Variants in RNLS observed in about 807,000 individuals in gnomAD.
RNLS encodes the protein renalase, FAD dependent amine oxidase, also known as renalase.
A neutral mutation model predicts 39.8 loss-of-function variants in RNLS; 39 were observed. The ratio of observed to expected loss-of-function variants is 0.98; its 90% CI spans 0.76 to 1.28. RNLS has a LOEUF of 1.28. Among genes scored for constraint, RNLS ranks in the 50% most tolerant of loss-of-function variants. The pLI, the probability that RNLS is intolerant of heterozygous loss-of-function variation, is 0.00. For missense variants in RNLS, 410 were observed against 413.3 expected, an observed-to-expected ratio of 0.99 and a Z score of 0.07; for synonymous variants, 147 against 150.7, an observed-to-expected ratio of 0.98 and a Z score of 0.18.
chr10:88,422,889 G>A (rs1854491715), intron 4 of RNLS, among the ~76,000 whole-genome samples: 1 of 151,904 alleles, frequency 6.6e-6, no homozygotes. Flanking sequence ...TCAGCCTCCT[G>A]AGTAGCTAGG....
At chr10:88,568,682 C>T (rs1294607280) in intron 4 of RNLS, among the ~76,000 whole-genome samples, 1 of 151,938 alleles carries the variant, frequency 6.6e-6, no homozygotes, top group African/African-American at 2.4e-5. Context: ...ATACGCAAAG[C>T]AAAGGTGCAA....
the RNLS span, among the ~76,000 whole-genome samples, chr10:88,187,683 C>T: frequency 4.7e-5 from 7 of 149,744 alleles, no homozygotes; most frequent in Admixed American, 6.6e-5. Flanking sequence ...TGGGTTAAAC[C>T]ACTGAGATTT....
intron 5 of RNLS, among the ~76,000 whole-genome samples, chr10:88,336,594 T>C (rs930916272): frequency 1.3e-5 from 2 of 152,188 alleles, no homozygotes; most frequent in African/African-American, 4.8e-5. Context: ...CATAAGTAAA[T>C]GTATACAAGT....
chr10:88,177,229 G>A, the RNLS span, among the ~76,000 whole-genome samples: 3 of 152,096 alleles, frequency 2.0e-5, no homozygotes, highest in Admixed American at 6.6e-5. Flanking sequence ...ATTTATTTGT[G>A]TAATGGTGTC....
chr10:88,566,834 G>C (rs1053390940), intron 4 of RNLS, among the ~76,000 whole-genome samples: 23 of 152,096 alleles, frequency 1.5e-4, no homozygotes, highest in African/African-American at 5.3e-4. Context: ...ACCTAAATAA[G>C]AGAAGAGCTG....
chr10:88,469,826 T>C (rs1206729713), intron 4 of RNLS, among the ~76,000 whole-genome samples: 1 of 54,674 alleles, frequency 1.8e-5, no homozygotes, highest in African/African-American at 3.3e-5. Context: ...TGTGTGCGTG[T>C]GTGTGTGTGT....
chr10:88,495,057 T>C (rs1845089141), intron 4 of RNLS, among the ~76,000 whole-genome samples: 1 of 152,116 alleles, frequency 6.6e-6, no homozygotes, highest in Admixed American at 6.6e-5. Context: ...TCCTATATAT[T>C]TTTTATAACC....
intron 5 of RNLS, among the ~76,000 whole-genome samples, chr10:88,337,084 C>G (rs1399280080): frequency 2.0e-5 from 3 of 152,084 alleles, no homozygotes; most frequent in African/African-American, 7.2e-5. Flanking sequence ...AAATACATTG[C>G]CCTCACAAAT....
In RNLS at chr10:88,458,179, C is replaced by T. The variant is rs1842744581; in HGVS notation, c.527-95454G>A. On this transcript the variant is annotated intron_variant, in intron 4 of 6. Transcript: ENST00000331772. ...TTCCCTTCTAGCAGGACATGTTAGC[C>T]AAGTAGGTTTCAAATTGTTCTCATT... Among the ~76,000 whole-genome samples the T allele has an allele frequency of 4.6e-5, 7 of 152,166 alleles. No homozygotes were observed. The South Asian group carries it at 8.3e-4, about 18-fold the overall frequency.
At chr10:88,330,455 A>G (rs1011698595) in intron 5 of RNLS, among the ~76,000 whole-genome samples, 8 of 152,136 alleles carry the variant, frequency 5.3e-5, no homozygotes, top group Admixed American at 5.2e-4. Flanking sequence ...ATGAGATAGA[A>G]TATCTCTCTT....
intron 4 of RNLS, among the ~76,000 whole-genome samples, chr10:88,420,019 TAAA>T (rs1290438166): frequency 8.5e-5 from 7 of 82,538 alleles, no homozygotes; most frequent in Non-Finnish European, 1.4e-4. Context: ...TCAAAATAAA[TAAA>T]TAAATAAATA....
At chr10:88,390,113 G>A (rs927702828) in intron 4 of RNLS, among the ~76,000 whole-genome samples, 1 of 152,218 alleles carries the variant, frequency 6.6e-6, no homozygotes, top group African/African-American at 2.4e-5. Context: ...CACCATCAAA[G>A]CTGATAAAAT....
intron 4 of RNLS, among the ~76,000 whole-genome samples, chr10:88,555,847 C>A (rs1191403771): frequency 1.3e-5 from 2 of 152,144 alleles, no homozygotes; most frequent in Non-Finnish European, 1.5e-5. Context: ...CTCAGTCTTT[C>A]TTGGGGTTCC....
At chr10:88,180,441 T>A in the RNLS span, among the ~76,000 whole-genome samples, 1 of 152,202 alleles carries the variant, frequency 6.6e-6, no homozygotes, top group Non-Finnish European at 1.5e-5. Context: ...GAACTAGAAT[T>A]GGGTTCAGTC....
At chr10:88,515,862 G>A (rs1394174814) in intron 4 of RNLS, among the ~76,000 whole-genome samples, 1 of 151,964 alleles carries the variant, frequency 6.6e-6, no homozygotes, top group Non-Finnish European at 1.5e-5. Context: ...CTAACCCCTG[G>A]TGTCTCAGAA....
chr10:88,176,255 AC>A, the RNLS span, among the ~76,000 whole-genome samples: 2 of 151,896 alleles, frequency 1.3e-5, no homozygotes, highest in South Asian at 2.1e-4. Flanking sequence ...GCTCACTGCA[AC>A]CTCTGCCTCC....
the RNLS span, among the ~76,000 whole-genome samples, chr10:88,268,480 TG>T: frequency 6.6e-6 from 1 of 152,022 alleles, no homozygotes; most frequent in Admixed American, 6.6e-5. Context: ...GAGGTGGCTG[TG>T]GGGGGGTTGA....
At chr10:88,317,401 A>G (rs954886548) in intron 5 of RNLS, among the ~76,000 whole-genome samples, 2 of 152,210 alleles carry the variant, frequency 1.3e-5, no homozygotes, top group African/African-American at 4.8e-5. Flanking sequence ...TTCCTAGGTA[A>G]TATTCTTGTT....
intron 4 of RNLS, among the ~76,000 whole-genome samples, chr10:88,466,592 C>A (rs544312967): frequency 6.6e-6 from 1 of 152,124 alleles, no homozygotes; most frequent in Non-Finnish European, 1.5e-5. Context: ...CCTTTAAAAA[C>A]GAGCAACAGG....
Sources: allele counts gnomAD v4.1 joint callset (sites outside exome capture counted in the v4.1 genomes callset), GRCh38; gene constraint gnomAD v4.1.1; transcripts MANE v1.5; gene names NCBI Gene and HGNC (gene_info 2026-07-23, HGNC 2026-07-21).